The following CSMD2 variants were observed in gnomAD, a reference collection of about 807,000 sequenced individuals.
The protein encoded by CSMD2 is CUB and sushi domain-containing protein 2.
CSMD2 carries 130 observed loss-of-function variants against 398.5 expected under a neutral mutation model. That is an observed-to-expected ratio of 0.33 (90% CI 0.28 to 0.38). CSMD2 has a LOEUF of 0.38. Ranked by LOEUF, CSMD2 falls within the 10% of genes least tolerant of loss-of-function variation. The probability of loss-of-function intolerance (pLI) is 1.00; values close to 1 mark genes in which losing one functional copy is unlikely to be tolerated. For missense variants in CSMD2, 3,829 were observed against 4,764.9 expected (o/e 0.80, Z 5.78); for synonymous variants, 1,828 against 1,908.5 (o/e 0.96, Z 1.10).
chr1:33,935,807 CCAGCGTGGCAGGTGAGCA>C lies in CSMD2; in HGVS notation c.647_664del (p.Val216_Ala221del). On this transcript the variant is annotated inframe_deletion, in exon 4 of 71. Transcript: ENST00000373381. ...GTCCCACGTGGCGCTGTTCTCAGAGCCAGCGTGGCAGGTGAGCACGGCGTGGCCCTCCAGGAAGAAGCC... is the reference window on the plus strand; with the variant it reads ...GTCCCACGTGGCGCTGTTCTCAGAGCCGGCGTGGCCCTCCAGGAAGAAGCC... 6.2e-7 allele frequency: 1 copy of C among 1,613,582 alleles called. No individual in the cohort carries two copies. The highest frequency in any genetic ancestry group is 8.5e-7 in the Non-Finnish European group (1 of 1,179,684).
intron 47 of CSMD2, among the ~76,000 whole-genome samples, chr1:33,581,752 G>A (rs1638744236): frequency 6.6e-6 from 1 of 152,076 alleles, no homozygotes; most frequent in South Asian, 2.1e-4. Context: ...GCATCCCGAG[G>A]GGGCTGGTTG....
intron 9 of CSMD2, among the ~76,000 whole-genome samples, chr1:33,819,245 A>G (rs1332022062): frequency 1.3e-5 from 2 of 152,208 alleles, no homozygotes; most frequent in Non-Finnish European, 2.9e-5. Flanking sequence ...AGGGGGTTAG[A>G]AGCATGTCAT....
chr1:34,143,413 G>A (rs149000095), intron 1 of CSMD2, among the ~76,000 whole-genome samples: 31 of 152,262 alleles, frequency 2.0e-4, no homozygotes, highest in East Asian at 9.6e-4. Flanking sequence ...CCTGATAGGC[G>A]CTGGCTAGAC....
chr1:33,784,624 G>GT (rs1456450225), intron 12 of CSMD2, among the ~76,000 whole-genome samples: 1 of 152,170 alleles, frequency 6.6e-6, no homozygotes, highest in East Asian at 1.9e-4. Context: ...TGCCAGTATG[G>GT]GGAGGGAGGG....
At chr1:33,853,469 C>T (rs561943088) in intron 5 of CSMD2, among the ~76,000 whole-genome samples, 1 of 152,328 alleles carries the variant, frequency 6.6e-6, no homozygotes, top group Non-Finnish European at 1.5e-5. Flanking sequence ...ATTTAGTTTC[C>T]ATAGATGCAA....
At chr1:34,107,356 TATA>T (rs1015805906) in intron 1 of CSMD2, among the ~76,000 whole-genome samples, 14 of 152,104 alleles carry the variant, frequency 9.2e-5, no homozygotes, top group African/African-American at 2.4e-4. Context: ...GAGCTTACGG[TATA>T]ATAATAATAA....
Position 34,089,138 on chromosome 1 carries a change from C to G in CSMD2, c.243G>C (p.Gly81=), listed in dbSNP as rs761241667. 6.2e-7 allele frequency: 1 copy of G among 1,614,170 alleles called. No individual in the cohort carries two copies. The change falls in exon 2 of 71, where the codon GGG becomes GGC. Residue 81 remains glycine, a synonymous_variant. Transcript: ENST00000373381. The part of the protein sequence containing the change: ...HGPNGTVESP[G]FPYGYPNYAN... ...CGTAATTGGGGTAGCCATATGGGAA[C>G]CCTGGGCTCTCAACTGTCCCATTGG... is the stretch of plus-strand genomic sequence containing the variant.
At chr1:34,071,959 T>C (rs1655776963) in intron 2 of CSMD2, among the ~76,000 whole-genome samples, 1 of 152,200 alleles carries the variant, frequency 6.6e-6, no homozygotes, top group Non-Finnish European at 1.5e-5. Flanking sequence ...TAAATCCTCA[T>C]ATTGTAAGTC....
intron 25 of CSMD2, among the ~76,000 whole-genome samples, chr1:33,670,910 G>A (rs77354455): frequency 0.014 from 2,188 of 152,260 alleles, 44 homozygotes; most frequent in African/African-American, 0.05. Context: ...TAACTACTGA[G>A]CTGAGTCTTG....
At chr1:33,836,658 G>A (rs559633465) in intron 6 of CSMD2, among the ~76,000 whole-genome samples, 5 of 152,302 alleles carry the variant, frequency 3.3e-5, no homozygotes, top group African/African-American at 1.2e-4. Flanking sequence ...AGGACCCTCT[G>A]AGCCATGCGT....
intron 3 of CSMD2, among the ~76,000 whole-genome samples, chr1:34,019,572 T>G (rs1648596503): frequency 6.6e-6 from 1 of 152,174 alleles, no homozygotes; most frequent in Non-Finnish European, 1.5e-5. Context: ...CCATCCTCAG[T>G]GCTGGTGAAG....
intron 1 of CSMD2, among the ~76,000 whole-genome samples, chr1:34,147,597 T>C (rs1382505906): frequency 6.6e-6 from 1 of 151,822 alleles, no homozygotes; most frequent in African/African-American, 2.4e-5. Context: ...TCTCAGGAAG[T>C]ATGGCTGGGG....
intron 3 of CSMD2, among the ~76,000 whole-genome samples, chr1:33,942,992 T>C (rs1251880333): frequency 2.0e-5 from 3 of 152,166 alleles, no homozygotes; most frequent in Non-Finnish European, 4.4e-5. Flanking sequence ...CTCCAGTGCA[T>C]TGTCCTCAGC....
intron 52 of CSMD2, among the ~76,000 whole-genome samples, chr1:33,568,469 G>A (rs1339394299): frequency 6.6e-6 from 1 of 152,162 alleles, no homozygotes; most frequent in Non-Finnish European, 1.5e-5. Context: ...TTACAGGCGT[G>A]AGCCACCACA....
rs1654032656 is a variant in CSMD2 at position 33,519,317 on chromosome 1, C to T, written c.*53+148G>A. 1.7e-6 allele frequency: 1 copy of T among 595,358 alleles called. No homozygotes were observed. The highest frequency in any genetic ancestry group is 2.8e-5 in the East Asian group (1 of 35,634). The allele number at this position is 595,358 out of a possible 1,614,324, so 36.9% of individuals were successfully genotyped here. On this transcript the variant is annotated intron_variant, in intron 70 of 70. Transcript: ENST00000373381. The surrounding 1 kb of genome is among the most constrained non-coding windows in gnomAD (Gnocchi z 5.6). ...ATCCACAAAGGGCCTGGTTCAGTGC[C>T]TGTTACACAATGATGCTCAATGCAC...
At chr1:33,604,070 T>C (rs1021061925) in intron 42 of CSMD2, among the ~76,000 whole-genome samples, 4 of 152,178 alleles carry the variant, frequency 2.6e-5, no homozygotes, top group African/African-American at 7.2e-5. Context: ...CAAGAGAGTA[T>C]GGTGTCAGAG....
chr1:33,647,297 C>T (rs1209690888), intron 28 of CSMD2, among the ~76,000 whole-genome samples: 1 of 152,134 alleles, frequency 6.6e-6, no homozygotes, highest in Non-Finnish European at 1.5e-5. Context: ...CCATGAAGGA[C>T]CCTAGCTTTG....
chr1:33,937,186 A>T (rs1220621214), intron 3 of CSMD2, among the ~76,000 whole-genome samples: 2 of 152,238 alleles, frequency 1.3e-5, no homozygotes, highest in Admixed American at 6.5e-5. Context: ...GTACAACGCA[A>T]GTGAATCTAA....
intron 3 of CSMD2, among the ~76,000 whole-genome samples, chr1:34,019,051 G>A (rs767931604): frequency 6.6e-6 from 1 of 152,162 alleles, no homozygotes; most frequent in African/African-American, 2.4e-5. Context: ...GTGACCTCAA[G>A]CAAGTTACTT....
Sources: gnomAD v4.1 joint callset for allele counts (sites outside exome capture counted in the v4.1 genomes callset) on GRCh38, gnomAD v4.1.1 for gene constraint, Gnocchi (gnomAD v3.1) non-coding constraint, MANE v1.5 for transcripts, NCBI Gene and HGNC (gene_info 2026-07-23, HGNC 2026-07-21) for gene names.